The following ARHGAP22 variants were observed in gnomAD, a reference collection of about 807,000 sequenced individuals.
The protein encoded by ARHGAP22 is Rho GTPase activating protein 22.
Under a neutral mutation model 59.1 loss-of-function variants are expected in ARHGAP22, and 48 were observed. The observed-to-expected ratio is 0.81, with a 90% CI of 0.64 to 1.03. ARHGAP22 has a LOEUF of 1.03. Among genes scored for constraint, ARHGAP22 ranks in the 50% least tolerant of loss-of-function variants. ARHGAP22 has a pLI of 0.00. For missense variants in ARHGAP22, 1,015 were observed against 958.7 expected, an observed-to-expected ratio of 1.06 and a Z score of -0.78; for synonymous variants, 445 against 416.4, an observed-to-expected ratio of 1.07 and a Z score of -0.84.
intron 3 of ARHGAP22, among the ~76,000 whole-genome samples, chr10:48,540,237 C>A (rs551014305): frequency 1.6e-4 from 24 of 152,210 alleles, no homozygotes; most frequent in Admixed American, 1.6e-3. Context: ...AGAGATCAGG[C>A]AGGTAAGATA....
chr10:48,652,680 T>C (rs1405752468), upstream of ARHGAP22: 4 of 182,130 alleles, frequency 2.2e-5, no homozygotes, highest in Non-Finnish European at 4.6e-5. Context: ...TGATTTTTTT[T>C]CCATGAGCTG....
At chr10:48,440,414 A>G in the ARHGAP22 span, among the ~76,000 whole-genome samples, 4 of 152,366 alleles carry the variant, frequency 2.6e-5, no homozygotes, top group African/African-American at 9.6e-5. Flanking sequence ...AACGGATGAC[A>G]AGAGTCTTGA....
chr10:48,571,744 C>T (rs2058407836), intron 2 of ARHGAP22, among the ~76,000 whole-genome samples: 2 of 152,156 alleles, frequency 1.3e-5, no homozygotes, highest in African/African-American at 4.8e-5. Context: ...ATAGCTTGGT[C>T]CAGAGTCACT....
intron 3 of ARHGAP22, among the ~76,000 whole-genome samples, chr10:48,489,775 C>T (rs1355200542): frequency 6.7e-6 from 1 of 149,128 alleles, no homozygotes; most frequent in Admixed American, 6.7e-5. Flanking sequence ...ACACTGTAGC[C>T]CAGGCTGGAG....
upstream of ARHGAP22, chr10:48,655,388 C>T (rs2136243975): frequency 6.6e-6 from 1 of 152,292 alleles, no homozygotes; most frequent in African/African-American, 2.4e-5. Context: ...TGGGCCTCTC[C>T]TTTGGAAGGC....
At chr10:48,430,218 C>G in the ARHGAP22 span, 1 of 152,272 alleles carries the variant, frequency 6.6e-6, no homozygotes, top group African/African-American at 2.4e-5. Flanking sequence ...CTCAGCCTCC[C>G]GAGTAGCTGG....
chr10:48,575,951 G>T (rs2058685778), intron 2 of ARHGAP22, among the ~76,000 whole-genome samples: 1 of 152,206 alleles, frequency 6.6e-6, no homozygotes, highest in Non-Finnish European at 1.5e-5. Flanking sequence ...CTGTGCTGCT[G>T]CAGGATGACT....
intron 1 of ARHGAP22, among the ~76,000 whole-genome samples, chr10:48,648,548 C>A (rs1043120494): frequency 1.3e-5 from 2 of 152,192 alleles, no homozygotes; most frequent in African/African-American, 2.4e-5. Flanking sequence ...CAGGATCCAC[C>A]CCTCAACTCA....
At chr10:48,545,397 C>T (rs2056343597) in intron 3 of ARHGAP22, among the ~76,000 whole-genome samples, 1 of 152,192 alleles carries the variant, frequency 6.6e-6, no homozygotes, top group African/African-American at 2.4e-5. Flanking sequence ...ACAGGAGAAC[C>T]CCACTGCAAA....
chr10:48,513,817 A>G (rs1157819901), intron 3 of ARHGAP22, among the ~76,000 whole-genome samples: 1 of 152,230 alleles, frequency 6.6e-6, no homozygotes, highest in Non-Finnish European at 1.5e-5. Context: ...CTTGACCTAG[A>G]TGTTATACTT....
intron 1 of ARHGAP22, among the ~76,000 whole-genome samples, chr10:48,622,501 A>G (rs933551044): frequency 1.3e-5 from 2 of 152,156 alleles, no homozygotes; most frequent in Non-Finnish European, 2.9e-5. Context: ...GTACAGTGTG[A>G]TATTTCAATA....
chr10:48,587,818 A>T (rs902883880), intron 1 of ARHGAP22, among the ~76,000 whole-genome samples: 2 of 152,174 alleles, frequency 1.3e-5, no homozygotes, highest in African/African-American at 4.8e-5. Flanking sequence ...CCCCCATAGC[A>T]TCCTGTGCAG....
intron 3 of ARHGAP22, among the ~76,000 whole-genome samples, chr10:48,549,331 G>C (rs904427347): frequency 1.3e-5 from 2 of 152,112 alleles, no homozygotes; most frequent in Non-Finnish European, 2.9e-5. Context: ...GTCCCTCCTG[G>C]TCACCTGATG....
At chr10:48,463,619 C>G (rs1221574740) in intron 4 of ARHGAP22, among the ~76,000 whole-genome samples, 1 of 152,202 alleles carries the variant, frequency 6.6e-6, no homozygotes, top group Non-Finnish European at 1.5e-5. Context: ...GCGCTTTCCT[C>G]TTCGGTCTGG....
intron 3 of ARHGAP22, among the ~76,000 whole-genome samples, chr10:48,551,546 C>T (rs979562889): frequency 6.6e-6 from 1 of 152,248 alleles, no homozygotes; most frequent in Non-Finnish European, 1.5e-5. Flanking sequence ...CTCTCAGCCT[C>T]CCTTAAACTT....
At chr10:48,583,937 C>G (rs781727713) in intron 1 of ARHGAP22, among the ~76,000 whole-genome samples, 3 of 152,170 alleles carry the variant, frequency 2.0e-5, no homozygotes, top group Non-Finnish European at 4.4e-5. Context: ...CACACCCCAC[C>G]GAGGTTGGTG....
intron 4 of ARHGAP22, among the ~76,000 whole-genome samples, chr10:48,468,789 C>G (rs1390522690): frequency 6.6e-6 from 1 of 152,228 alleles, no homozygotes; most frequent in East Asian, 1.9e-4. Flanking sequence ...AGTCCTGGCC[C>G]TGACACTAAG....
intron 4 of ARHGAP22, among the ~76,000 whole-genome samples, chr10:48,468,087 A>C (rs968940520): frequency 6.6e-6 from 1 of 152,244 alleles, no homozygotes; most frequent in Non-Finnish European, 1.5e-5. Flanking sequence ...ACAAAAGATC[A>C]AAGTTTTCAA....
At chr10:48,531,463 T>A (rs758610050) in intron 3 of ARHGAP22, among the ~76,000 whole-genome samples, 35 of 152,230 alleles carry the variant, frequency 2.3e-4, no homozygotes, top group Non-Finnish European at 2.9e-5. Context: ...TTTTAAGTCA[T>A]TAAACTTTGG....
Sources: allele counts gnomAD v4.1 joint callset (sites outside exome capture counted in the v4.1 genomes callset), GRCh38; gene constraint gnomAD v4.1.1; transcripts MANE v1.5; gene names NCBI Gene and HGNC (gene_info 2026-07-23, HGNC 2026-07-21).